Variants in METTL15 observed in about 807,000 individuals in gnomAD.
METTL15 encodes the protein methyltransferase 15, mitochondrial 12S rRNA N4-cytidine.
METTL15 carries 34 observed loss-of-function variants against 38.3 expected under a neutral mutation model. The ratio of observed to expected loss-of-function variants is 0.89; its 90% CI spans 0.68 to 1.18. The LOEUF (loss-of-function observed/expected upper bound fraction) is 1.18. Ranked by LOEUF, METTL15 falls within the 50% of genes most tolerant of loss-of-function variation. METTL15 has a pLI of 0.00. For missense variants in METTL15, 438 were observed against 498.4 expected, an observed-to-expected ratio of 0.88 and a Z score of 1.15; for synonymous variants, 162 against 170.9, an observed-to-expected ratio of 0.95 and a Z score of 0.41.
At chr11:28,256,204 G>A (rs1854965055) in intron 4 of METTL15, among the ~76,000 whole-genome samples, 1 of 152,280 alleles carries the variant, frequency 6.6e-6, no homozygotes, top group South Asian at 2.1e-4. Flanking sequence ...GGTAATACTA[G>A]CCTCACACAG....
In METTL15 at chr11:28,226,467, T is replaced by C. The variant is rs1428515789; in HGVS notation, c.407+15269T>C. Among the ~76,000 whole-genome samples the C allele has an allele frequency of 2.0e-5, 3 of 151,974 alleles. No homozygotes were observed. In the East Asian group the frequency reaches 5.8e-4, roughly 29 times the overall value. The stretch of plus-strand genomic sequence containing the variant: ...AGAGTTACAAAAATATTTTTTCATA[T>C]GATATAATATATTCTGAACTACCCA... On this transcript the variant is annotated intron_variant, in intron 4 of 6. Coordinates refer to ENST00000407364, the MANE Select transcript of METTL15 (RefSeq NM_001113528.2).
chr11:28,244,950 A>T (rs1223254683), intron 4 of METTL15, among the ~76,000 whole-genome samples: 1 of 152,192 alleles, frequency 6.6e-6, no homozygotes, highest in Non-Finnish European at 1.5e-5. Context: ...CCTTGATAAA[A>T]ATCTTTGTGC....
chr11:28,241,516 A>G (rs1016132865), intron 4 of METTL15, among the ~76,000 whole-genome samples: 4 of 151,672 alleles, frequency 2.6e-5, no homozygotes, highest in African/African-American at 4.8e-5. Flanking sequence ...CCTGGGCGAC[A>G]GAGGGAGACC....
At chr11:28,116,130 G>A (rs1410523257) in intron 3 of METTL15, among the ~76,000 whole-genome samples, 3 of 151,752 alleles carry the variant, frequency 2.0e-5, no homozygotes, top group East Asian at 1.9e-4. Context: ...AATTAAATAA[G>A]GTCTTAGATT....
At chr11:28,495,770 G>T (rs1245678530) in intron 6 of METTL15, among the ~76,000 whole-genome samples, 4 of 150,802 alleles carry the variant, frequency 2.7e-5, no homozygotes, top group African/African-American at 9.7e-5. Context: ...AATCTCTGCT[G>T]TTTTTTGATA....
intron 6 of METTL15, among the ~76,000 whole-genome samples, chr11:28,509,574 C>A (rs1851657834): frequency 6.6e-6 from 1 of 151,022 alleles, no homozygotes; most frequent in Admixed American, 6.6e-5. Context: ...ATGGAAGATT[C>A]TTGGGCAGAA....
At chr11:28,385,524 A>G (rs968033535) in intron 5 of METTL15, among the ~76,000 whole-genome samples, 1 of 152,044 alleles carries the variant, frequency 6.6e-6, no homozygotes, top group Non-Finnish European at 1.5e-5. Context: ...TACTAGTACC[A>G]TGCTGTTTTG....
intron 4 of METTL15, among the ~76,000 whole-genome samples, chr11:28,237,676 C>T (rs1854066657): frequency 6.6e-6 from 1 of 152,190 alleles, no homozygotes; most frequent in Non-Finnish European, 1.5e-5. Flanking sequence ...AGGAGAGGCG[C>T]TCTGTTTTTT....
chr11:28,382,679 C>A (rs1564914142), intron 5 of METTL15, among the ~76,000 whole-genome samples: 1 of 151,876 alleles, frequency 6.6e-6, no homozygotes. Context: ...TCTATAAATA[C>A]AAAAACTTAG....
At chr11:28,219,902 T>C (rs1437534199) in intron 4 of METTL15, among the ~76,000 whole-genome samples, 2 of 152,184 alleles carry the variant, frequency 1.3e-5, no homozygotes, top group African/African-American at 4.8e-5. Context: ...GATTTCTAGG[T>C]TGATTGCACT....
At chr11:28,220,613 G>T (rs1853159187) in intron 4 of METTL15, among the ~76,000 whole-genome samples, 1 of 152,146 alleles carries the variant, frequency 6.6e-6, no homozygotes, top group Admixed American at 6.6e-5. Context: ...TATGATGTTA[G>T]TTGGTTATTT....
chr11:28,280,184 G>A lies in METTL15; in HGVS notation c.408-10022G>A, dbSNP rs148949361. ...CCCATTTTTCCCATTCATTGCTTCGGTTGTATTTGTGATTATTTTATTCTG... is the reference window on the plus strand; with the variant it reads ...CCCATTTTTCCCATTCATTGCTTCGATTGTATTTGTGATTATTTTATTCTG... On this transcript the variant is annotated intron_variant, in intron 4 of 6. Coordinates refer to ENST00000407364, the MANE Select transcript of METTL15 (RefSeq NM_001113528.2). 9.0e-4 allele frequency among the ~76,000 whole-genome samples: 136 copies of A among 151,646 alleles called. 1 individual carries two copies. Among genetic ancestry groups the A allele is most frequent in the African/African-American group, 3.3e-3 (135 of 41,328 alleles).
intron 6 of METTL15, among the ~76,000 whole-genome samples, chr11:28,490,781 T>G (rs1253894246): frequency 6.6e-6 from 1 of 152,168 alleles, no homozygotes; most frequent in Non-Finnish European, 1.5e-5. Context: ...GAGACAAATG[T>G]TAGCCTTTTA....
Position 28,229,785 on chromosome 11 carries a change from G to C in METTL15, c.407+18587G>C, listed in dbSNP as rs75402753. ...TTTGTTGTAGCACCCTAAATGGACTGAGACAGCGTGTCACAATTACAGACA... is the reference window on the plus strand; with the variant it reads ...TTTGTTGTAGCACCCTAAATGGACTCAGACAGCGTGTCACAATTACAGACA... On this transcript the variant is annotated intron_variant, in intron 4 of 6. Coordinates refer to ENST00000407364, the MANE Select transcript of METTL15 (RefSeq NM_001113528.2). Among the ~76,000 whole-genome samples the C allele has an allele frequency of 5.1e-3, 783 of 152,110 alleles. 7 individuals carry two copies. The highest frequency in any genetic ancestry group is 0.018 in the African/African-American group (739 of 41,518).
chr11:28,299,037 C>G (rs1183854294), intron 6 of METTL15, among the ~76,000 whole-genome samples: 1 of 152,090 alleles, frequency 6.6e-6, no homozygotes, highest in East Asian at 1.9e-4. Flanking sequence ...ATAATAACCT[C>G]TACTTACAGT....
chr11:28,339,103 G>A (rs991046920), intron 3 of METTL15, among the ~76,000 whole-genome samples: 3 of 152,062 alleles, frequency 2.0e-5, no homozygotes, highest in Admixed American at 6.6e-5. Flanking sequence ...CTTAGCCCTT[G>A]AAGTTGGATT....
At chr11:28,157,805 C>T (rs1850315495) in intron 3 of METTL15, among the ~76,000 whole-genome samples, 1 of 152,174 alleles carries the variant, frequency 6.6e-6, no homozygotes, top group Non-Finnish European at 1.5e-5. Context: ...CTCCCCAAGC[C>T]TGCACCAATG....
chr11:28,217,737 G>A (rs1430447507), intron 4 of METTL15, among the ~76,000 whole-genome samples: 11 of 152,160 alleles, frequency 7.2e-5, no homozygotes, highest in Admixed American at 1.3e-4. Flanking sequence ...ATTTTTGTAG[G>A]AGGTGTAAGG....
chr11:28,311,999 A>G (rs570636202), intron 6 of METTL15, among the ~76,000 whole-genome samples: 1 of 152,346 alleles, frequency 6.6e-6, no homozygotes, highest in South Asian at 2.1e-4. Flanking sequence ...AATGTAAGAA[A>G]GCTGAGACAG....
Sources: gnomAD v4.1 joint callset for allele counts (sites outside exome capture counted in the v4.1 genomes callset) on GRCh38, gnomAD v4.1.1 for gene constraint, MANE v1.5 for transcripts, NCBI Gene and HGNC (gene_info 2026-07-23, HGNC 2026-07-21) for gene names.